The following PBX3 variants were observed in gnomAD, a reference collection of about 807,000 sequenced individuals.
The protein encoded by PBX3 is PBX homeobox 3.
Under a neutral mutation model 48.5 loss-of-function variants are expected in PBX3, and 14 were observed. That is an observed-to-expected ratio of 0.29 (90% CI 0.19 to 0.45). PBX3 has a LOEUF of 0.45. Among genes scored for constraint, PBX3 ranks in the 20% least tolerant of loss-of-function variants. The pLI is 1.00. For missense variants in PBX3, 386 were observed against 546.7 expected (o/e 0.71, Z 2.93); for synonymous variants, 210 against 200.3 (o/e 1.05, Z -0.41).
intron 2 of PBX3, among the ~76,000 whole-genome samples, chr9:125,775,552 A>G (rs1837050321): frequency 6.6e-6 from 1 of 152,204 alleles, no homozygotes; most frequent in South Asian, 2.1e-4. Flanking sequence ...TAAATCGATT[A>G]TAGATATATG....
chr9:125,866,840 C>T (rs1166849624), intron 2 of PBX3, among the ~76,000 whole-genome samples: 2 of 152,136 alleles, frequency 1.3e-5, no homozygotes. Flanking sequence ...CAAAGCTATA[C>T]TTTGGTGATT....
chr9:125,882,853 G>A (rs1351794601), intron 2 of PBX3, among the ~76,000 whole-genome samples: 1 of 152,046 alleles, frequency 6.6e-6, no homozygotes, highest in African/African-American at 2.4e-5. Context: ...TATACCCCCC[G>A]TTTCAAATAC....
intron 2 of PBX3, among the ~76,000 whole-genome samples, chr9:125,772,631 G>A (rs1006475115): frequency 6.6e-6 from 1 of 152,202 alleles, no homozygotes; most frequent in East Asian, 1.9e-4. Flanking sequence ...CCTAAAGTAA[G>A]GCCACTAATT....
In PBX3 at chr9:125,792,042, ACACGCACGCACGCACG is replaced by A. The variant is rs34328835; in HGVS notation, c.274+43438_274+43453del. ...GAGAATGGATTAATACTACACACAC[ACACGCACGCACGCACG>A]CACGCACGCACGCACGCATATAAAT... On this transcript the variant is annotated intron_variant, in intron 2 of 8. Coordinates refer to ENST00000373489, the MANE Select transcript of PBX3 (RefSeq NM_006195.6). 8.0e-3 allele frequency among the ~76,000 whole-genome samples: 1,145 copies of A among 143,230 alleles called. 3 individuals are homozygous for A. The highest frequency in any genetic ancestry group is 0.011 in the Non-Finnish European group (727 of 65,740). The allele number at this position is 143,230 out of a possible 152,430, so 94.0% of individuals were successfully genotyped here.
chr9:125,778,412 C>T (rs1040720641), intron 2 of PBX3, among the ~76,000 whole-genome samples: 3 of 151,976 alleles, frequency 2.0e-5, no homozygotes, highest in Non-Finnish European at 4.4e-5. Context: ...CGCCTGCCAC[C>T]ATACCTGATT....
At chr9:125,847,069 T>C (rs1564136619) in intron 2 of PBX3, among the ~76,000 whole-genome samples, 1 of 151,928 alleles carries the variant, frequency 6.6e-6, no homozygotes, top group Non-Finnish European at 1.5e-5. Flanking sequence ...CTTAGTAAAA[T>C]TCAGGTTTAA....
chr9:125,835,763 G>A (rs1454721740), intron 2 of PBX3, among the ~76,000 whole-genome samples: 1 of 152,184 alleles, frequency 6.6e-6, no homozygotes, highest in Non-Finnish European at 1.5e-5. Flanking sequence ...ACTGTAGTTA[G>A]TGCATTCACT....
chr9:125,871,821 G>A (rs866088483), intron 2 of PBX3, among the ~76,000 whole-genome samples: 1 of 152,148 alleles, frequency 6.6e-6, no homozygotes, highest in South Asian at 2.1e-4. Flanking sequence ...ACATTTCTAT[G>A]GGACAGAGCT....
intron 2 of PBX3, among the ~76,000 whole-genome samples, chr9:125,765,722 A>G (rs771333870): frequency 2.0e-4 from 30 of 152,308 alleles, no homozygotes; most frequent in Non-Finnish European, 3.2e-4. Context: ...ACCATTCCCA[A>G]TTATCACTAT....
rs35941816 is a variant in PBX3, at chr9:125,838,858, A to AAGT, written c.275-76825_275-76823dup. On this transcript the variant is annotated intron_variant, in intron 2 of 8. Coordinates refer to ENST00000373489, the MANE Select transcript of PBX3 (RefSeq NM_006195.6). ...AAGGTTTTATAAAATGAAAATAATAAAGTAGAATTTTGAAGGCTGAAAGGA... is the reference window on the plus strand; with the variant it reads ...AAGGTTTTATAAAATGAAAATAATAAAGTAGTAGAATTTTGAAGGCTGAAAGGA... 5.3e-3 allele frequency among the ~76,000 whole-genome samples: 812 copies of AAGT among 152,330 alleles called. 2 individuals carry two copies. Among genetic ancestry groups the AAGT allele is most frequent in the Non-Finnish European group, 8.0e-3 (544 of 68,030 alleles).
chr9:125,810,821 G>A (rs1248735439), intron 2 of PBX3, among the ~76,000 whole-genome samples: 1 of 152,176 alleles, frequency 6.6e-6, no homozygotes, highest in Non-Finnish European at 1.5e-5. Flanking sequence ...TGATGAAGGT[G>A]GAAGAACTGG....
At chr9:125,748,374 G>C (rs1056898262) in intron 1 of PBX3, 176 bp from the exon 2 acceptor site, 5 of 1,330,620 alleles carry the variant, frequency 3.8e-6, no homozygotes, top group Non-Finnish European at 4.9e-6. Context: ...TTTCGCCGCC[G>C]GGGCTTGCTG....
At chr9:125,930,867 A>C (rs181484741) in intron 4 of PBX3, among the ~76,000 whole-genome samples, 6 of 152,272 alleles carry the variant, frequency 3.9e-5, no homozygotes, top group Non-Finnish European at 7.4e-5. Flanking sequence ...TGAAAACCAC[A>C]GTAGCTTTCC....
chr9:125,933,226 T>G (rs1042874983), intron 4 of PBX3, among the ~76,000 whole-genome samples: 3 of 152,226 alleles, frequency 2.0e-5, no homozygotes, highest in African/African-American at 7.2e-5. Context: ...GTCAGATATA[T>G]GATTCCCTTG....
chr9:125,933,411 T>G (rs941585224), intron 4 of PBX3, among the ~76,000 whole-genome samples: 18 of 152,198 alleles, frequency 1.2e-4, no homozygotes, highest in African/African-American at 4.3e-4. Context: ...TTCTCTGAGG[T>G]GTTTTGAAGT....
chr9:125,822,947 G>T (rs1838696394), intron 2 of PBX3, among the ~76,000 whole-genome samples: 1 of 151,194 alleles, frequency 6.6e-6, no homozygotes. Context: ...TAACTTGTGG[G>T]GTTTTTTAGT....
intron 2 of PBX3, among the ~76,000 whole-genome samples, chr9:125,772,755 T>C (rs1449628330): frequency 6.6e-6 from 1 of 151,698 alleles, no homozygotes; most frequent in East Asian, 2.0e-4. Context: ...ATCTTATCTA[T>C]TCATTTATCT....
Position 125,935,616 on chromosome 9 carries a change from G to A in PBX3, c.843+9G>A. On this transcript the variant is annotated intron_variant, in intron 5 of 8. Transcript: ENST00000373489. ...GCATCACAGTGTCACAGGTGAGAAA[G>A]GACCCATGGGTCTGTCTTGTTCCCT... 2 of 1,613,334 alleles carry A rather than the reference G, an allele frequency of 1.2e-6. No homozygotes were observed. Among genetic ancestry groups the A allele is most frequent in the Non-Finnish European group, 8.5e-7 (1 of 1,179,592 alleles).
intron 2 of PBX3, among the ~76,000 whole-genome samples, chr9:125,773,317 TC>T (rs1407057418): frequency 6.6e-6 from 1 of 152,172 alleles, no homozygotes; most frequent in African/African-American, 2.4e-5. Flanking sequence ...CTTGGCTGAC[TC>T]CTATGTATCT....
Sources: allele counts gnomAD v4.1 joint callset (sites outside exome capture counted in the v4.1 genomes callset), GRCh38; gene constraint gnomAD v4.1.1; transcripts MANE v1.5; gene names NCBI Gene and HGNC (gene_info 2026-07-23, HGNC 2026-07-21).